CD209: variants seen among roughly 807,000 people sequenced by gnomAD.
CD209 encodes the protein CD209 molecule.
A neutral mutation model predicts 44.7 loss-of-function variants in CD209; 31 were observed. That is an observed-to-expected ratio of 0.69 (90% CI 0.52 to 0.94). The LOEUF (loss-of-function observed/expected upper bound fraction) is 0.94, where lower values mean the gene tolerates loss of function less well. CD209 is among the 40% of genes least tolerant of loss of function. The pLI, the probability that CD209 is intolerant of heterozygous loss-of-function variation, is 0.00. For synonymous variants in CD209, 173 were observed against 181.3 expected (o/e 0.95, Z 0.37); for missense variants, 407 against 452.4 (o/e 0.90, Z 0.91).
Position 7,747,462 on chromosome 19 carries a change from T to A in CD209, c.46+4A>T, listed in dbSNP as rs781658151. The A allele has an allele frequency of 6.2e-7, 1 of 1,614,180 alleles. No homozygotes were observed. Among genetic ancestry groups the A allele is most frequent in the Non-Finnish European group, 8.5e-7 (1 of 1,180,036 alleles). On this transcript the variant is annotated splice_donor_region_variant and intron_variant, in intron 1 of 6. Transcript: ENST00000315599. The stretch of plus-strand genomic sequence containing the variant: ...AGAATCCCAGCGTCCCAACCCAGCC[T>A]CACCCAGGAGGCCCAGCTGCTGCAG...
chr19:7,744,254 GC>G, intron 5 of CD209, 35 bp from the exon 6 acceptor site: 1 of 1,491,820 alleles, frequency 6.7e-7, no homozygotes. Flanking sequence ...AGGGAGCTCT[GC>G]TTCCCATTTT....
rs1418739702 is a variant in CD209 at position 7,741,613 on chromosome 19, C to G, written c.*1426G>C. ...TCAGTACCAGTCGGAAGAAGAATGCCAAGCAGCTCTTTCTCTGTTTAACGG... is the reference window on the plus strand; with the variant it reads ...TCAGTACCAGTCGGAAGAAGAATGCGAAGCAGCTCTTTCTCTGTTTAACGG... On this transcript the variant is annotated 3_prime_UTR_variant, in exon 7 of 7. Transcript: ENST00000315599. The G allele has an allele frequency of 1.1e-6, 1 of 899,172 alleles. No homozygotes were observed. Among genetic ancestry groups the G allele is most frequent in the Admixed American group, 1.8e-5 (1 of 55,634 alleles). 55.7% of individuals were successfully genotyped at this position (899,172 alleles called of 1,614,324 possible). A position where few individuals can be genotyped will look rare whatever the true frequency, so the allele number is the denominator to read the frequency against.
At position 7,746,446 on chromosome 19, in the gene CD209, A is replaced by T; in HGVS notation, c.178+14T>A. 1 of 1,613,720 alleles carries T rather than the reference A, an allele frequency of 6.2e-7. No individual in the cohort carries two copies. The highest frequency in any genetic ancestry group is 8.5e-7 in the Non-Finnish European group (1 of 1,179,726). Reference sequence around the variant, plus strand: ...AGGCGTGGGGACCCCAGACCCTCAGAACCTGCCCCTGACCTTGGACAAGGA... The same window carrying T: ...AGGCGTGGGGACCCCAGACCCTCAGTACCTGCCCCTGACCTTGGACAAGGA... On this transcript the variant is annotated intron_variant, in intron 3 of 6. Coordinates refer to ENST00000315599, the MANE Select transcript of CD209 (RefSeq NM_021155.4).
In CD209 at chr19:7,743,197, C is replaced by T. The variant is rs1568509808; in HGVS notation, c.1057G>A (p.Glu353Lys). ...CCACTAAATTCCGCGCAGTCTTCCT[C>T]CCCAACGTTGTTGGGCTCTCCTCTG... Reference protein sequence around the residue: ...WNRGEPNNVGEEDCAEFSGNG... With the variant: ...WNRGEPNNVGKEDCAEFSGNG... The change falls in exon 7 of 7, where the codon GAG becomes AAG. Residue 353 changes from glutamate to lysine, a missense_variant. This residue lies in a region of CD209 where 200 missense variants were observed against 202.2 expected (regional missense o/e 0.99). Transcript: ENST00000315599. The T allele has an allele frequency of 6.2e-7, 1 of 1,614,000 alleles. No individual in the cohort carries two copies. The highest frequency in any genetic ancestry group is 1.7e-5 in the Admixed American group (1 of 59,996).
In CD209 at chr19:7,744,204, G is replaced by A. The variant is rs775630404; in HGVS notation, c.916C>T (p.Gln306Ter). 6.2e-7 allele frequency: 1 copy of A among 1,613,696 alleles called. No individual in the cohort carries two copies. The highest frequency in any genetic ancestry group is 8.5e-7 in the Non-Finnish European group (1 of 1,179,594). ...GTGAAGCGGTTACTTCTGGAAGACT[G>A]CAGCTGTAGGAAGTTCTGGAGGGTA... ...SAEEQNFLQL[Q>*]SSRSNRFTWM... Residue 306 changes from glutamine to a stop codon, truncating the protein, a stop_gained, in exon 6 of 7, where the codon CAG becomes TAG. Coordinates refer to ENST00000315599, the MANE Select transcript of CD209 (RefSeq NM_021155.4). LOFTEE classifies it high-confidence loss of function.
Position 7,746,418 on chromosome 19 carries a change from G to T in CD209, c.178+42C>A. On this transcript the variant is annotated intron_variant, in intron 3 of 6. Transcript: ENST00000315599. ...CCCCAGGCTGTGTCCACAGCCAAAAGCCAGGCGTGGGGACCCCAGACCCTC... is the reference window on the plus strand; with the variant it reads ...CCCCAGGCTGTGTCCACAGCCAAAATCCAGGCGTGGGGACCCCAGACCCTC... 2.5e-6 allele frequency: 4 copies of T among 1,599,416 alleles called. No homozygotes were observed. The South Asian group carries it at 3.3e-5, about 13-fold the overall frequency.
At chr19:7,744,500 T>C (rs139404269) in intron 5 of CD209, among the ~76,000 whole-genome samples, 9 of 152,372 alleles carry the variant, frequency 5.9e-5, no homozygotes, top group Non-Finnish European at 1.2e-4. Flanking sequence ...CATGCACATT[T>C]ACTCATAACT....
intron 3 of CD209, 147 bp from the exon 4 acceptor site, chr19:7,746,234 G>T: frequency 1.6e-6 from 2 of 1,288,456 alleles, no homozygotes; most frequent in Non-Finnish European, 2.1e-6. Context: ...CCTGGAGAAG[G>T]CAGCACAGAA....
intron 3 of CD209, 68 bp from the exon 4 acceptor site, chr19:7,746,155 C>A (rs1480111547): frequency 3.2e-6 from 5 of 1,583,654 alleles, no homozygotes; most frequent in Non-Finnish European, 4.3e-6. Flanking sequence ...TGAACTGAGC[C>A]CCATAGGGAC....
rs780548412 is a variant in CD209 at position 7,743,048 on chromosome 19, AG to A, written c.1205del (p.Pro402LeufsTer55). On this transcript the variant is annotated frameshift_variant, in exon 7 of 7. Transcript: ENST00000315599. LOFTEE classifies it high-confidence loss of function. ...AGGGGGTGAAGTTCTGCTACGCAGG[AG>A]GGGGGTTTGGGGTGGCAGGGGCTGG... ...LSPAPATPNP[P>X]PA is the part of the protein sequence containing the mutation. The A allele has an allele frequency of 1.9e-6, 3 of 1,591,478 alleles. No homozygotes were observed. Among genetic ancestry groups the A allele is most frequent in the South Asian group, 1.1e-5 (1 of 90,662 alleles).
rs1161139007 is a variant in CD209 at position 7,747,254 on chromosome 19, A to G, written c.106+52T>C. On this transcript the variant is annotated intron_variant, in intron 2 of 6. Transcript: ENST00000315599. ...CCCAGCGTCCAGCTCCTCAGGACCC[A>G]GGAGTCCAGGAGTCTCTCGTCTCTC... The G allele has an allele frequency of 8.8e-6, 14 of 1,588,120 alleles. No individual in the cohort carries two copies. The South Asian group carries it at 1.1e-4, about 13-fold the overall frequency.
chr19:7,742,098 G>T lies in CD209; in HGVS notation c.*941C>A, dbSNP rs372688873. 6 of 291,112 alleles carry T rather than the reference G, an allele frequency of 2.1e-5. No individual in the cohort carries two copies. In the East Asian group the frequency reaches 3.6e-4, roughly 18 times the overall value. 18.0% of individuals were successfully genotyped at this position (291,112 alleles called of 1,614,324 possible). ...AGATCCCAAAGTCGTGGTAGGAGGA[G>T]ATCAGGTAGTAGAGACAGAACTGTT... is the stretch of plus-strand genomic sequence containing the variant. On this transcript the variant is annotated 3_prime_UTR_variant, in exon 7 of 7. Transcript: ENST00000315599.
chr19:7,745,374 A>C (rs2033771095), intron 4 of CD209, 144 bp downstream of exon 4: 1 of 1,486,316 alleles, frequency 6.7e-7, no homozygotes, highest in Middle Eastern at 2.4e-4. Flanking sequence ...GCCCACTGTG[A>C]ACACTGAGGG....
At position 7,740,508 on chromosome 19, in the gene CD209, T is replaced by C. The variant is rs540425317; in HGVS notation, c.*2531A>G. On this transcript the variant is annotated 3_prime_UTR_variant, in exon 7 of 7. Coordinates refer to ENST00000315599, the MANE Select transcript of CD209 (RefSeq NM_021155.4). The stretch of plus-strand genomic sequence containing the variant: ...TCCAGAGAAACCAAGCCACAAAAAG[T>C]ACAGGGCCGCCCTGAAGAAGGAGAA... The C allele has an allele frequency of 3.6e-5, 42 of 1,152,832 alleles. No individual in the cohort carries two copies. The African/African-American group carries it at 5.7e-4, about 16-fold the overall frequency. The allele number at this position is 1,152,832 out of a possible 1,614,324, so 71.4% of individuals were successfully genotyped here. A position where few individuals can be genotyped will look rare whatever the true frequency, so the allele number is the denominator to read the frequency against.
chr19:7,740,264 G>A lies in CD209; in HGVS notation c.*2775C>T, dbSNP rs960703648. On this transcript the variant is annotated 3_prime_UTR_variant, in exon 7 of 7. Transcript: ENST00000315599. ...CTCGGTCTGAGCACTTAGGTTCCAC[G>A]TGGATTTGCACGCTTCGTTCATCTG... 11 of 419,122 alleles carry A rather than the reference G, an allele frequency of 2.6e-5. No individual in the cohort carries two copies. The highest frequency in any genetic ancestry group is 6.1e-5 in the African/African-American group (3 of 48,836). 26.0% of individuals were successfully genotyped at this position (419,122 alleles called of 1,614,324 possible).
Position 7,746,536 on chromosome 19 carries a change from G to C in CD209, c.107-5C>G. ...GGGGACCATGGCCAAGACACCCTGA[G>C]AGAGGATACATGCGTCAGCCTGCCA... is the stretch of plus-strand genomic sequence containing the variant. On this transcript the variant is annotated splice_polypyrimidine_tract_variant and splice_region_variant and intron_variant, in intron 2 of 6. Coordinates refer to ENST00000315599, the MANE Select transcript of CD209 (RefSeq NM_021155.4). The C allele has an allele frequency of 6.2e-7, 1 of 1,613,684 alleles. No homozygotes were observed. The highest frequency in any genetic ancestry group is 8.5e-7 in the Non-Finnish European group (1 of 1,179,716).
rs572423438 is a variant in CD209, at chr19:7,741,365, T to A, written c.*1674A>T. The A allele has an allele frequency of 3.5e-5, 13 of 372,018 alleles. No homozygotes were observed. In the Admixed American group the frequency reaches 4.3e-4, roughly 12 times the overall value. 23.0% of individuals were successfully genotyped at this position (372,018 alleles called of 1,614,324 possible). A position where few individuals can be genotyped will look rare whatever the true frequency, so the allele number is the denominator to read the frequency against. ...CACGCCCAGCTAATTTTTGTACTTT[T>A]AGTGGAGTCCCAGCTACTCGGGAGG... is the stretch of plus-strand genomic sequence containing the variant. On this transcript the variant is annotated 3_prime_UTR_variant, in exon 7 of 7. Transcript: ENST00000315599.
rs1340537652 is a variant in CD209, at chr19:7,740,826, A to G, written c.*2213T>C. On this transcript the variant is annotated 3_prime_UTR_variant, in exon 7 of 7. Transcript: ENST00000315599. ...GGAGGAGGAACAGAAACGACAGAAG[A>G]AACAAAAACCGGAAGCTGTCCAGAA... The G allele has an allele frequency of 1.5e-5, 11 of 758,036 alleles. No homozygotes were observed. Among genetic ancestry groups the G allele is most frequent in the Non-Finnish European group, 2.7e-5 (11 of 407,854 alleles). The allele number at this position is 758,036 out of a possible 1,614,324, so 47.0% of individuals were successfully genotyped here.
In CD209 at chr19:7,740,946, A is replaced by G. The variant is rs965388174; in HGVS notation, c.*2093T>C. The G allele has an allele frequency of 2.8e-6, 2 of 717,808 alleles. No homozygotes were observed. The highest frequency in any genetic ancestry group is 1.8e-5 in the African/African-American group (1 of 56,908). 44.5% of individuals were successfully genotyped at this position (717,808 alleles called of 1,614,324 possible). A position where few individuals can be genotyped will look rare whatever the true frequency, so the allele number is the denominator to read the frequency against. On this transcript the variant is annotated 3_prime_UTR_variant, in exon 7 of 7. Coordinates refer to ENST00000315599, the MANE Select transcript of CD209 (RefSeq NM_021155.4). Reference sequence around the variant, plus strand: ...ATTTCAGAGTCATGGAGAAGGATGGAGTTAATTGTCCCTTCTACAGTAAAA... The same window carrying G: ...ATTTCAGAGTCATGGAGAAGGATGGGGTTAATTGTCCCTTCTACAGTAAAA...
Sources: gnomAD v4.1 joint callset for allele counts (sites outside exome capture counted in the v4.1 genomes callset) on GRCh38, gnomAD v4.1.1 for gene constraint, gnomAD v4.1.1 regional missense constraint, MANE v1.5 for transcripts, NCBI Gene and HGNC (gene_info 2026-07-23, HGNC 2026-07-21) for gene names.